The following MEG3 variants were observed in gnomAD, a reference collection of about 807,000 sequenced individuals.
MEG3 encodes Very putative protein from MEG3 locus.
At chr14:100,841,289 G>A (rs542128323) in intron 2 of MEG3, among the ~76,000 whole-genome samples, 2 of 152,338 alleles carry the variant, frequency 1.3e-5, no homozygotes, top group South Asian at 4.1e-4. Flanking sequence ...CAGAGACCTG[G>A]TTAGAGCCTG....
chr14:100,836,596 A>T (rs942516041), intron 2 of MEG3, among the ~76,000 whole-genome samples: 1 of 149,426 alleles, frequency 6.7e-6, no homozygotes, highest in African/African-American at 2.5e-5. Flanking sequence ...GGCTCGGGCC[A>T]GGCACTCAGG....
chr14:100,843,833 G>GTTTTT (rs11307044), intron 2 of MEG3, among the ~76,000 whole-genome samples: 36 of 70,748 alleles, frequency 5.1e-4, no homozygotes, highest in Admixed American at 2.6e-3. Flanking sequence ...CCCGGGACCT[G>GTTTTT]TTTTTTTTTT....
downstream of MEG3, chr14:100,829,503 A>G (rs936543063): frequency 6.6e-6 from 1 of 152,234 alleles, no homozygotes; most frequent in African/African-American, 2.4e-5. Flanking sequence ...GACCTCTCTG[A>G]AGATCTTCCT....
At chr14:100,854,895 G>C (rs1053047555), upstream of MEG3, 2 of 152,724 alleles carry the variant, frequency 1.3e-5, no homozygotes, top group Non-Finnish European at 2.9e-5. Flanking sequence ...GAACATTTTG[G>C]ATCAGGACTG....
At chr14:100,856,737 G>T (rs983935629), upstream of MEG3, 1 of 152,364 alleles carries the variant, frequency 6.6e-6, no homozygotes, top group Admixed American at 6.5e-5. Flanking sequence ...ACCCCCCGGG[G>T]GTACGCGTTC....
At chr14:100,857,588 G>A (rs1026118573) in exon 1 of MEG3, 5 of 152,226 alleles carry the variant, frequency 3.3e-5, no homozygotes, top group Admixed American at 6.5e-5. Flanking sequence ...GGTGCTTAGC[G>A]ATGTGGGCCC....
At chr14:100,851,717 TCTC>T (rs2038082864) in intron 3 of MEG3, 1 of 152,882 alleles carries the variant, frequency 6.5e-6, no homozygotes, top group African/African-American at 2.4e-5. Flanking sequence ...CTCTCTGTCT[TCTC>T]GGCTGTTTCA....
At chr14:100,850,001 A>G (rs1382352520) in intron 3 of MEG3, 1 of 152,232 alleles carries the variant, frequency 6.6e-6, no homozygotes. Context: ...AATAGATGCA[A>G]TTGAGGTTCA....
chr14:100,837,599 T>C lies in MEG3; in HGVS notation n.3045+1299T>C, dbSNP rs2037624981. 6.6e-6 allele frequency among the ~76,000 whole-genome samples: 1 copy of C among 152,020 alleles called. No homozygotes were observed. ...TGGATGAACACAGCTGCACGCTGGG[T>C]GGGGCCCAGCCTCTAGTCCTCAGCC... On this transcript the variant is annotated intron_variant and non_coding_transcript_variant, in intron 2 of 3. Coordinates refer to the MEG3 transcript ENST00000398461. This position sits in a 1 kb window ranked among gnomAD's most constrained non-coding sequence, Gnocchi z 5.8.
chr14:100,831,384 T>C (rs1372676835), downstream of MEG3: 1 of 152,724 alleles, frequency 6.5e-6, no homozygotes, highest in Non-Finnish European at 1.5e-5. Context: ...GCTGTCATCT[T>C]TTCTAGCCAC....
chr14:100,827,241 G>C (rs1384628580), intron 1 of MEG3, among the ~76,000 whole-genome samples: 1 of 152,106 alleles, frequency 6.6e-6, no homozygotes, highest in Non-Finnish European at 1.5e-5. Context: ...CGGCGGGCCT[G>C]GTGGGGGCGC....
chr14:100,827,435 G>C (rs879689733), intron 1 of MEG3: 2 of 152,258 alleles, frequency 1.3e-5, no homozygotes, highest in Non-Finnish European at 2.9e-5. Flanking sequence ...AGAGGGAACA[G>C]TTTTGAGACC....
chr14:100,839,210 A>G (rs2037678613), intron 2 of MEG3, among the ~76,000 whole-genome samples: 1 of 152,170 alleles, frequency 6.6e-6, no homozygotes, highest in South Asian at 2.1e-4. Context: ...CCAAAGGGTT[A>G]AAGGGCAGTG....
chr14:100,844,849 C>T (rs2037867617), intron 2 of MEG3, among the ~76,000 whole-genome samples: 1 of 152,216 alleles, frequency 6.6e-6, no homozygotes, highest in Non-Finnish European at 1.5e-5. Flanking sequence ...CAAGTTAAAA[C>T]GTAAGGCAGA....
chr14:100,836,046 C>T, intron 1 of MEG3: 1 of 364,792 alleles, frequency 2.7e-6, no homozygotes, highest in East Asian at 7.5e-5. Context: ...CCCCAGTAGT[C>T]ACCCCACTCC....
exon 1 of MEG3, chr14:100,858,877 G>C (rs947751236): frequency 2.0e-5 from 3 of 152,776 alleles, no homozygotes; most frequent in East Asian, 1.9e-4. Context: ...TTCTGAGTCT[G>C]TGTTTAGGTG....
At chr14:100,840,077 T>C (rs576322078) in intron 2 of MEG3, among the ~76,000 whole-genome samples, 2 of 152,214 alleles carry the variant, frequency 1.3e-5, no homozygotes, top group African/African-American at 2.4e-5. Flanking sequence ...GCTGGGTCAC[T>C]GGGGCCGCCG....
At chr14:100,834,941 AT>A in exon 1 of MEG3, 1 of 404,072 alleles carries the variant, frequency 2.5e-6, no homozygotes, top group Non-Finnish European at 5.0e-6. Flanking sequence ...CCATCCCGTC[AT>A]CCAACAGTTG....
chr14:100,843,598 AG>A (rs2037823835), intron 2 of MEG3, among the ~76,000 whole-genome samples: 1 of 152,168 alleles, frequency 6.6e-6, no homozygotes, highest in East Asian at 1.9e-4. Flanking sequence ...AGGCCAGGGA[AG>A]GAGATTTTAG....
Sources: allele counts gnomAD v4.1 joint callset (sites outside exome capture counted in the v4.1 genomes callset), GRCh38; gene constraint gnomAD v4.1.1; non-coding constraint Gnocchi (gnomAD v3.1); transcripts MANE v1.5; gene names NCBI Gene and HGNC (gene_info 2026-07-23, HGNC 2026-07-21).